The following PAK2 variants were observed in gnomAD, a reference collection of about 807,000 sequenced individuals.
The protein encoded by PAK2 is serine/threonine-protein kinase PAK 2.
In PAK2, 21 loss-of-function variants were observed where a neutral mutation model predicts 65.9. The observed-to-expected ratio is 0.32, with a 90% confidence interval of 0.23 to 0.46. PAK2 has a LOEUF of 0.46. PAK2 is among the 20% of genes least tolerant of loss of function. The pLI, the probability that PAK2 is intolerant of heterozygous loss-of-function variation, is 1.00. For missense variants in PAK2, 324 were observed against 642.6 expected, an observed-to-expected ratio of 0.50 and a Z score of 5.36; for synonymous variants, 204 against 219.7, an observed-to-expected ratio of 0.93 and a Z score of 0.63.
chr3:196,811,680 G>A (rs1419834088), intron 8 of PAK2, among the ~76,000 whole-genome samples: 2 of 152,014 alleles, frequency 1.3e-5, no homozygotes, highest in Non-Finnish European at 2.9e-5. Flanking sequence ...CAAATCCAGT[G>A]TTGAGTCACA....
intron 2 of PAK2, among the ~76,000 whole-genome samples, chr3:196,788,759 T>C (rs1023739009): frequency 6.6e-6 from 1 of 152,114 alleles, no homozygotes. Context: ...AGTTACAAAG[T>C]GTGTTCCATG....
Position 196,758,905 on chromosome 3 carries a change from A to C in PAK2, c.-22+18748A>C, listed in dbSNP as rs1323382433. ...ACTCCTGACCTCAAGTGATCTGCCC[A>C]CCTCAGTGTGCCAAAGTGCTGGCAT... is the stretch of plus-strand genomic sequence containing the variant. On this transcript the variant is annotated intron_variant, in intron 1 of 14. Coordinates refer to ENST00000327134, the MANE Select transcript of PAK2 (RefSeq NM_002577.4). 3.3e-5 allele frequency among the ~76,000 whole-genome samples: 5 copies of C among 152,200 alleles called. 1 individual carries two copies. The East Asian group carries it at 7.7e-4, about 23-fold the overall frequency.
rs773246467 is a variant in PAK2 at position 196,810,673 on chromosome 3, T to C, written c.773+20T>C. On this transcript the variant is annotated intron_variant, in intron 8 of 14. Coordinates refer to ENST00000327134, the MANE Select transcript of PAK2 (RefSeq NM_002577.4). ...ACAAGGGTAAGTATTTGTGACTGTA[T>C]TACGATAATATTCAGTATTCAGTAT... is the stretch of plus-strand genomic sequence containing the variant. 5.1e-6 allele frequency: 6 copies of C among 1,178,096 alleles called. No homozygotes were observed. The highest frequency in any genetic ancestry group is 7.6e-6 in the Non-Finnish European group (6 of 785,434). The allele number at this position is 1,178,096 out of a possible 1,614,324, so 73.0% of individuals were successfully genotyped here.
intron 1 of PAK2, among the ~76,000 whole-genome samples, chr3:196,749,396 T>G (rs780834945): frequency 1.4e-4 from 21 of 152,184 alleles, no homozygotes; most frequent in Non-Finnish European, 2.6e-4. Flanking sequence ...CTCTACATCC[T>G]TTTTAACACA....
chr3:196,752,502 G>A (rs572603240), intron 1 of PAK2, among the ~76,000 whole-genome samples: 32 of 152,064 alleles, frequency 2.1e-4, no homozygotes, highest in African/African-American at 6.8e-4. Flanking sequence ...TTTCACCTCC[G>A]TGGTGAGCTT....
At position 196,766,615 on chromosome 3, in the gene PAK2, A is replaced by T. The variant is rs114548614; in HGVS notation, c.-21-16011A>T. On this transcript the variant is annotated intron_variant, in intron 1 of 14. Transcript: ENST00000327134. ...TCATTCTTCATAAGCTGGTGATTTT[A>T]TATAATTTACGGAGTTCCAAAAGCG... Among the ~76,000 whole-genome samples the T allele has an allele frequency of 4.4e-3, 673 of 152,240 alleles. 5 individuals are homozygous for T. The highest frequency in any genetic ancestry group is 7.9e-3 in the Non-Finnish European group (536 of 68,008).
intron 11 of PAK2, among the ~76,000 whole-genome samples, chr3:196,816,808 G>A (rs903835433): frequency 1.3e-5 from 2 of 152,106 alleles, no homozygotes; most frequent in East Asian, 3.8e-4. Context: ...TCTCGTTCTC[G>A]TTTGTAAGGA....
chr3:196,800,652 T>TAA (rs994197569), intron 2 of PAK2, among the ~76,000 whole-genome samples: 2 of 152,154 alleles, frequency 1.3e-5, no homozygotes, highest in African/African-American at 4.8e-5. Flanking sequence ...GACAAACAGA[T>TAA]AATTGCAACA....
chr3:196,812,605 A>G lies in PAK2; in HGVS notation c.823-134A>G, dbSNP rs576988895. On this transcript the variant is annotated intron_variant, in intron 9 of 14. Coordinates refer to ENST00000327134, the MANE Select transcript of PAK2 (RefSeq NM_002577.4). ...AAGCATTGTGCACAGGCAGTGTGCAAGGCAAGGTGCCACCTGGGAGTAATA... is the reference window on the plus strand; with the variant it reads ...AAGCATTGTGCACAGGCAGTGTGCAGGGCAAGGTGCCACCTGGGAGTAATA... 3.3e-5 allele frequency: 20 copies of G among 602,038 alleles called. No homozygotes were observed. The African/African-American group carries it at 3.5e-4, about 11-fold the overall frequency. 37.3% of individuals were successfully genotyped at this position (602,038 alleles called of 1,614,324 possible). A position where few individuals can be genotyped will look rare whatever the true frequency, so the allele number is the denominator to read the frequency against.
intron 1 of PAK2, among the ~76,000 whole-genome samples, chr3:196,748,561 C>T (rs573819647): frequency 1.6e-4 from 24 of 152,258 alleles, no homozygotes; most frequent in South Asian, 2.1e-4. Context: ...CAGAATGTCC[C>T]GTAGTTGGAA....
chr3:196,756,394 G>A (rs373146076), intron 1 of PAK2, among the ~76,000 whole-genome samples: 3 of 152,112 alleles, frequency 2.0e-5, no homozygotes, highest in Middle Eastern at 3.4e-3. Context: ...CAGGAGCTCC[G>A]GGTCCCCCTT....
intron 1 of PAK2, among the ~76,000 whole-genome samples, chr3:196,741,069 C>T (rs964804941): frequency 1.3e-5 from 2 of 152,186 alleles, no homozygotes; most frequent in African/African-American, 4.8e-5. Context: ...TATCTCACTT[C>T]TGCGTTACAG....
At chr3:196,756,561 G>C (rs1046139765) in intron 1 of PAK2, among the ~76,000 whole-genome samples, 1 of 152,182 alleles carries the variant, frequency 6.6e-6, no homozygotes, top group African/African-American at 2.4e-5. Context: ...GCTTGGGCTG[G>C]GCGTGGTGGC....
intron 2 of PAK2, chr3:196,784,843 A>G (rs1209601606): frequency 1.3e-5 from 2 of 151,752 alleles, no homozygotes; most frequent in African/African-American, 2.4e-5. Context: ...AGTCCCACCA[A>G]CAATGTAAAA....
chr3:196,762,997 T>C (rs1309032330), intron 1 of PAK2, among the ~76,000 whole-genome samples: 1 of 151,924 alleles, frequency 6.6e-6, no homozygotes, highest in South Asian at 2.1e-4. Context: ...AGTAAAAAAA[T>C]AGAGCTCTAA....
At chr3:196,748,874 T>C (rs1713476628) in intron 1 of PAK2, among the ~76,000 whole-genome samples, 1 of 152,196 alleles carries the variant, frequency 6.6e-6, no homozygotes, top group Admixed American at 6.5e-5. Flanking sequence ...TGTGCAATTA[T>C]CACCACCATC....
intron 1 of PAK2, among the ~76,000 whole-genome samples, chr3:196,747,715 C>T (rs1170896373): frequency 6.6e-6 from 1 of 151,896 alleles, no homozygotes; most frequent in Non-Finnish European, 1.5e-5. Flanking sequence ...TATGAATTAC[C>T]AGTTTTTATA....
chr3:196,741,182 T>G (rs996989792), intron 1 of PAK2, among the ~76,000 whole-genome samples: 2 of 152,212 alleles, frequency 1.3e-5, no homozygotes, highest in Non-Finnish European at 2.9e-5. Flanking sequence ...ATCAAGGTTG[T>G]GCACGTCACG....
intron 9 of PAK2, 114 bp from the exon 10 acceptor site, chr3:196,812,625 G>T: frequency 1.6e-6 from 1 of 607,794 alleles, no homozygotes; most frequent in Non-Finnish European, 3.0e-6. Flanking sequence ...CCACCTGGGA[G>T]TAATAGCATG....
Sources: allele counts gnomAD v4.1 joint callset (sites outside exome capture counted in the v4.1 genomes callset), GRCh38; gene constraint gnomAD v4.1.1; transcripts MANE v1.5; gene names NCBI Gene and HGNC (gene_info 2026-07-23, HGNC 2026-07-21).